RBM19: variants seen among roughly 807,000 people sequenced by gnomAD.
RBM19 encodes RNA binding motif protein 19.
In RBM19, 94 loss-of-function variants were observed where a neutral mutation model predicts 116.8. The ratio of observed to expected loss-of-function variants is 0.80; its 90% CI spans 0.68 to 0.95. The LOEUF is 0.95. Among genes scored for constraint, RBM19 ranks in the 40% least tolerant of loss-of-function variants. The pLI, the probability that RBM19 is intolerant of heterozygous loss-of-function variation, is 0.00. For synonymous variants in RBM19, 475 were observed against 494.1 expected (o/e 0.96, Z 0.51); for missense variants, 1,161 against 1,220.7 (o/e 0.95, Z 0.73).
chr12:113,913,261 T>A (rs772695250), intron 21 of RBM19, among the ~76,000 whole-genome samples: 11 of 152,146 alleles, frequency 7.2e-5, no homozygotes, highest in Non-Finnish European at 1.6e-4. Flanking sequence ...GTTCTTAAGT[T>A]GGACTCCTTT....
intron 21 of RBM19, among the ~76,000 whole-genome samples, chr12:113,905,181 A>C (rs1308507191): frequency 6.6e-6 from 1 of 152,254 alleles, no homozygotes; most frequent in African/African-American, 2.4e-5. Flanking sequence ...ATCACGAGAA[A>C]GAACAAAGCC....
At chr12:113,838,416 C>T (rs1876152513) in intron 23 of RBM19, among the ~76,000 whole-genome samples, 1 of 152,162 alleles carries the variant, frequency 6.6e-6, no homozygotes, top group Non-Finnish European at 1.5e-5. Context: ...ACACAAACTC[C>T]ACGGGGAGAA....
At chr12:113,879,719 C>T (rs906781315) in intron 21 of RBM19, among the ~76,000 whole-genome samples, 3 of 152,094 alleles carry the variant, frequency 2.0e-5, no homozygotes, top group Non-Finnish European at 2.9e-5. Context: ...TCCCTTCCTC[C>T]CTAGGCTGCT....
intron 21 of RBM19, among the ~76,000 whole-genome samples, chr12:113,862,019 C>T (rs1878439781): frequency 6.6e-6 from 1 of 152,190 alleles, no homozygotes; most frequent in African/African-American, 2.4e-5. Context: ...GGTTTCTTTC[C>T]TCCTTCTAAG....
intron 23 of RBM19, among the ~76,000 whole-genome samples, chr12:113,827,157 T>C (rs4767136): frequency 0.058 from 8,771 of 152,268 alleles, 333 homozygotes; most frequent in Middle Eastern, 0.13. Flanking sequence ...CAAACAAACA[T>C]AATGCAGAAC....
chr12:113,920,235 C>A (rs1354344724), intron 19 of RBM19, among the ~76,000 whole-genome samples: 1 of 152,194 alleles, frequency 6.6e-6, no homozygotes, highest in East Asian at 1.9e-4. Context: ...AAGTGCCCCA[C>A]CTCCACCCCC....
intron 16 of RBM19, among the ~76,000 whole-genome samples, chr12:113,935,760 G>A (rs1047802994): frequency 2.0e-5 from 3 of 152,200 alleles, no homozygotes; most frequent in Non-Finnish European, 2.9e-5. Flanking sequence ...TAGACTGGGC[G>A]TGGTGGCTTA....
At chr12:113,819,915 T>C (rs1874303286), downstream of RBM19, among the ~76,000 whole-genome samples, 1 of 152,246 alleles carries the variant, frequency 6.6e-6, no homozygotes, top group Non-Finnish European at 1.5e-5. Context: ...ACAAAAATCT[T>C]AATTGCTTTC....
chr12:113,830,463 TTGTG>T (rs1171081505), intron 23 of RBM19, among the ~76,000 whole-genome samples: 10 of 151,790 alleles, frequency 6.6e-5, no homozygotes, highest in African/African-American at 2.4e-4. Flanking sequence ...TCTGGGTGTC[TTGTG>T]TGTGTGCAGA....
chr12:113,835,513 C>T (rs545498022), intron 23 of RBM19, among the ~76,000 whole-genome samples: 5 of 152,294 alleles, frequency 3.3e-5, no homozygotes, highest in Non-Finnish European at 4.4e-5. Flanking sequence ...GCATCTTTGA[C>T]ACTCTGGCTG....
At chr12:113,849,829 C>T (rs904618147) in intron 22 of RBM19, among the ~76,000 whole-genome samples, 1 of 150,504 alleles carries the variant, frequency 6.6e-6, no homozygotes, top group Non-Finnish European at 1.5e-5. Context: ...GTCCCTCCTC[C>T]CCCATCCTCT....
At chr12:113,863,338 G>T (rs940946237) in intron 21 of RBM19, among the ~76,000 whole-genome samples, 2 of 152,104 alleles carry the variant, frequency 1.3e-5, no homozygotes, top group African/African-American at 4.8e-5. Flanking sequence ...CTACCGAAAA[G>T]GGATGAATCA....
At chr12:113,952,432 C>A in intron 8 of RBM19, 80 bp downstream of exon 8, 1 of 1,343,870 alleles carries the variant, frequency 7.4e-7, no homozygotes. Context: ...GCCCTTAAAA[C>A]TTCTTCCTTA....
chr12:113,926,952 A>C, intron 17 of RBM19, 102 bp downstream of exon 17: 1 of 1,335,874 alleles, frequency 7.5e-7, no homozygotes, highest in Non-Finnish European at 1.0e-6. Context: ...AGTGCATATT[A>C]ACACGCATCA....
At chr12:113,867,795 G>A (rs1049981470) in intron 21 of RBM19, among the ~76,000 whole-genome samples, 6 of 152,046 alleles carry the variant, frequency 3.9e-5, no homozygotes, top group Non-Finnish European at 7.4e-5. Flanking sequence ...GCATGGTGGC[G>A]TACACCTGTA....
chr12:113,875,449 T>C (rs1879601684), intron 21 of RBM19, among the ~76,000 whole-genome samples: 2 of 152,140 alleles, frequency 1.3e-5, no homozygotes, highest in South Asian at 2.1e-4. Context: ...ATCGGGTCTG[T>C]GCGTGGCCTG....
At chr12:113,894,403 G>A (rs530179729) in intron 21 of RBM19, among the ~76,000 whole-genome samples, 1 of 152,312 alleles carries the variant, frequency 6.6e-6, no homozygotes, top group South Asian at 2.1e-4. Flanking sequence ...TCCAGCCTGA[G>A]AAATAACAGG....
chr12:113,945,581 T>C (rs989198083), intron 13 of RBM19, among the ~76,000 whole-genome samples: 1 of 152,166 alleles, frequency 6.6e-6, no homozygotes, highest in Non-Finnish European at 1.5e-5. Flanking sequence ...TCAACACCAC[T>C]GTCAATCACA....
intron 22 of RBM19, among the ~76,000 whole-genome samples, chr12:113,854,683 C>G (rs903764960): frequency 1.3e-5 from 2 of 152,210 alleles, no homozygotes; most frequent in Non-Finnish European, 2.9e-5. Flanking sequence ...CTCTGGTCAC[C>G]AGGGCCCGTG....
Sources: allele counts gnomAD v4.1 joint callset (sites outside exome capture counted in the v4.1 genomes callset), GRCh38; gene constraint gnomAD v4.1.1; transcripts MANE v1.5; gene names NCBI Gene and HGNC (gene_info 2026-07-23, HGNC 2026-07-21).